EPB41L4A: variants seen among roughly 807,000 people sequenced by gnomAD.
EPB41L4A encodes the protein band 4.1-like protein 4A.
EPB41L4A carries 100 observed loss-of-function variants against 108.6 expected under a neutral mutation model. The ratio of observed to expected loss-of-function variants is 0.92; its 90% CI spans 0.78 to 1.09. EPB41L4A has a LOEUF of 1.09. Ranked by LOEUF, EPB41L4A falls within the 50% of genes least tolerant of loss-of-function variation. The probability of loss-of-function intolerance (pLI) is 0.00; values close to 1 mark genes in which losing one functional copy is unlikely to be tolerated. For synonymous variants in EPB41L4A, 319 were observed against 289.0 expected, an observed-to-expected ratio of 1.10 and a Z score of -1.05; for missense variants, 1,030 against 842.7, an observed-to-expected ratio of 1.22 and a Z score of -2.75.
chr5:112,270,602 A>G (rs1025392396), intron 4 of EPB41L4A, among the ~76,000 whole-genome samples: 3 of 152,224 alleles, frequency 2.0e-5, no homozygotes, highest in African/African-American at 7.2e-5. Context: ...TTACATTTAT[A>G]TAGTTCTTTA....
At chr5:112,386,871 A>C (rs1037418217) in intron 1 of EPB41L4A, among the ~76,000 whole-genome samples, 1 of 152,212 alleles carries the variant, frequency 6.6e-6, no homozygotes, top group African/African-American at 2.4e-5. Flanking sequence ...GTGAAGAGGA[A>C]AACAGACCAG....
At chr5:112,308,997 T>C (rs2150583190) in intron 1 of EPB41L4A, among the ~76,000 whole-genome samples, 1 of 152,310 alleles carries the variant, frequency 6.6e-6, no homozygotes, top group South Asian at 2.1e-4. Flanking sequence ...TTCCTAGCCT[T>C]TGAGTTAGGC....
intron 5 of EPB41L4A, among the ~76,000 whole-genome samples, chr5:112,265,643 G>C (rs1042492769): frequency 6.6e-6 from 1 of 152,194 alleles, no homozygotes; most frequent in Admixed American, 6.5e-5. Flanking sequence ...AGTGCCACAA[G>C]GGCAAGGACC....
intron 12 of EPB41L4A, among the ~76,000 whole-genome samples, chr5:112,234,185 TAAAATA>T (rs960606480): frequency 4.0e-4 from 18 of 45,492 alleles, no homozygotes; most frequent in African/African-American, 1.2e-3. Context: ...TAAATAAAAT[TAAAATA>T]AAATAAAATA....
At chr5:112,353,454 A>T (rs1278765888) in intron 1 of EPB41L4A, among the ~76,000 whole-genome samples, 1 of 152,006 alleles carries the variant, frequency 6.6e-6, no homozygotes, top group African/African-American at 2.4e-5. Flanking sequence ...GCTTCCAGAC[A>T]GCATGTGCTG....
At chr5:112,337,348 A>G (rs992651080) in intron 1 of EPB41L4A, among the ~76,000 whole-genome samples, 2 of 152,210 alleles carry the variant, frequency 1.3e-5, no homozygotes, top group Non-Finnish European at 2.9e-5. Context: ...CACATCCCCT[A>G]TGTCAAACGT....
At chr5:112,181,744 T>G (rs1761168002) in intron 18 of EPB41L4A, among the ~76,000 whole-genome samples, 1 of 152,192 alleles carries the variant, frequency 6.6e-6, no homozygotes, top group Non-Finnish European at 1.5e-5. Flanking sequence ...TACATTTATA[T>G]GAAGTTCGAC....
At chr5:112,188,457 C>T (rs1707832346) in intron 17 of EPB41L4A, among the ~76,000 whole-genome samples, 1 of 152,180 alleles carries the variant, frequency 6.6e-6, no homozygotes, top group Non-Finnish European at 1.5e-5. Flanking sequence ...CTCCTGTTTT[C>T]ATGAATTTTT....
intron 1 of EPB41L4A, among the ~76,000 whole-genome samples, chr5:112,357,027 T>C (rs1758400969): frequency 6.6e-6 from 1 of 152,200 alleles, no homozygotes; most frequent in Admixed American, 6.5e-5. Context: ...TGGCCGGTGC[T>C]GAGTAGGGCC....
At chr5:112,231,303 C>T (rs1276469431) in intron 12 of EPB41L4A, among the ~76,000 whole-genome samples, 1 of 152,094 alleles carries the variant, frequency 6.6e-6, no homozygotes, top group Non-Finnish European at 1.5e-5. Context: ...CATGATTGTA[C>T]CACTTGTGTG....
At chr5:112,263,042 C>A (rs183247861) in intron 6 of EPB41L4A, among the ~76,000 whole-genome samples, 1 of 152,158 alleles carries the variant, frequency 6.6e-6, no homozygotes, top group East Asian at 1.9e-4. Flanking sequence ...GATCTCCTGA[C>A]CACATGTGTA....
chr5:112,330,167 G>A (rs921384572), intron 1 of EPB41L4A, among the ~76,000 whole-genome samples: 5 of 151,822 alleles, frequency 3.3e-5, no homozygotes, highest in Non-Finnish European at 7.4e-5. Flanking sequence ...CCCCACAATG[G>A]CTTAGGTGTA....
intron 1 of EPB41L4A, among the ~76,000 whole-genome samples, chr5:112,321,021 G>C (rs1452182831): frequency 2.0e-5 from 3 of 152,214 alleles, no homozygotes; most frequent in Admixed American, 6.5e-5. Flanking sequence ...AGGGTCGTGA[G>C]ATTACAGGCC....
intron 12 of EPB41L4A, among the ~76,000 whole-genome samples, chr5:112,226,847 G>T (rs1285747698): frequency 5.3e-5 from 8 of 151,688 alleles, no homozygotes; most frequent in African/African-American, 1.9e-4. Context: ...GTGTTTACGG[G>T]GTATAGTTTC....
Position 112,165,147 on chromosome 5 carries a change from A to AT in EPB41L4A, c.1933-30dup, listed in dbSNP as rs1760166494. The AT allele has an allele frequency of 3.3e-6, 5 of 1,525,096 alleles. No homozygotes were observed. The South Asian group carries it at 3.5e-5, about 11-fold the overall frequency. The allele number at this position is 1,525,096 out of a possible 1,614,324, so 94.5% of individuals were successfully genotyped here. A position where few individuals can be genotyped will look rare whatever the true frequency, so the allele number is the denominator to read the frequency against. The stretch of plus-strand genomic sequence containing the variant: ...AAATATATTTGAAAAATGTAGAAAG[A>AT]TTCAGAAGAAAACAGCCAAATGAAG... On this transcript the variant is annotated intron_variant, in intron 22 of 22. Transcript: ENST00000261486.
chr5:112,220,476 G>T (rs1747969817), intron 12 of EPB41L4A, among the ~76,000 whole-genome samples: 1 of 152,142 alleles, frequency 6.6e-6, no homozygotes, highest in South Asian at 2.1e-4. Flanking sequence ...TTTGCAAAAT[G>T]GAAGAAGGTC....
chr5:112,287,544 A>C (rs972000494), intron 2 of EPB41L4A, among the ~76,000 whole-genome samples: 1 of 152,226 alleles, frequency 6.6e-6, no homozygotes. Flanking sequence ...TTCAACACGG[A>C]TCAAATCAGT....
intron 20 of EPB41L4A, 114 bp downstream of exon 20, chr5:112,170,187 G>T: frequency 9.8e-7 from 1 of 1,019,572 alleles, no homozygotes; most frequent in Non-Finnish European, 1.5e-6. Flanking sequence ...ACCTAGTTTT[G>T]TTTAAAATGT....
chr5:112,314,236 A>C (rs930321345), intron 1 of EPB41L4A, among the ~76,000 whole-genome samples: 1 of 151,912 alleles, frequency 6.6e-6, no homozygotes, highest in Admixed American at 6.6e-5. Flanking sequence ...ATTATATACC[A>C]ATGTGGAAGC....
Sources: allele counts gnomAD v4.1 joint callset (sites outside exome capture counted in the v4.1 genomes callset), GRCh38; gene constraint gnomAD v4.1.1; transcripts MANE v1.5; gene names NCBI Gene and HGNC (gene_info 2026-07-23, HGNC 2026-07-21).